BOP1: variants seen among roughly 807,000 people sequenced by gnomAD.
BOP1 encodes ribosome biogenesis protein BOP1.
In BOP1, 54 loss-of-function variants were observed where a neutral mutation model predicts 82.9. The ratio of observed to expected loss-of-function variants is 0.65; its 90% CI spans 0.52 to 0.82. BOP1 has a LOEUF of 0.82. Among genes scored for constraint, BOP1 ranks in the 40% least tolerant of loss-of-function variants. The pLI, the probability that BOP1 is intolerant of heterozygous loss-of-function variation, is 0.00. For missense variants in BOP1, 1,170 were observed against 1,072.0 expected (o/e 1.09, Z -1.28); for synonymous variants, 566 against 451.1 (o/e 1.25, Z -3.23).
intron 3 of BOP1, among the ~76,000 whole-genome samples, chr8:144,273,755 A>G (rs941761326): frequency 6.6e-6 from 1 of 151,462 alleles, no homozygotes; most frequent in Non-Finnish European, 1.5e-5. Flanking sequence ...TGAGGTGGCC[A>G]TGCGGGGGCG....
chr8:144,268,021 A>G, intron 3 of BOP1: 3 of 1,540,150 alleles, frequency 1.9e-6, no homozygotes, highest in Admixed American at 2.0e-5. Context: ...GCCACCTGAG[A>G]TGGCACCCAG....
intron 3 of BOP1, among the ~76,000 whole-genome samples, chr8:144,274,740 G>C (rs778978543): frequency 2.8e-4 from 43 of 152,368 alleles, no homozygotes; most frequent in Non-Finnish European, 2.4e-4. Flanking sequence ...GGCAGGCGGC[G>C]GTGGCACTGG....
chr8:144,262,805 C>G (rs1392405499), intron 13 of BOP1, 48 bp downstream of exon 13: 13 of 302,720 alleles, frequency 4.3e-5, no homozygotes, highest in Non-Finnish European at 7.4e-5. Context: ...GGTACACCGC[C>G]CCCCCCCCCA....
At chr8:144,284,856 C>G (rs190235570) in intron 2 of BOP1, among the ~76,000 whole-genome samples, 28 of 152,332 alleles carry the variant, frequency 1.8e-4, no homozygotes, top group African/African-American at 6.0e-4. Flanking sequence ...GCCTGTGGCC[C>G]GGCCCTGCAG....
intron 2 of BOP1, among the ~76,000 whole-genome samples, chr8:144,286,573 CACGCGGGCAG>C (rs1814878415): frequency 7.0e-6 from 1 of 143,372 alleles, no homozygotes; most frequent in African/African-American, 2.6e-5. Context: ...AAGCACAGGA[CACGCGGGCAG>C]ATGCACGGGC....
intron 3 of BOP1, chr8:144,267,173 G>A: frequency 2.0e-6 from 3 of 1,528,404 alleles, no homozygotes; most frequent in Non-Finnish European, 1.7e-6. Flanking sequence ...AGCAACCAGA[G>A]AAAGTTGGTG....
chr8:144,266,970 G>A (rs1454854713), intron 3 of BOP1: 37 of 1,555,792 alleles, frequency 2.4e-5, no homozygotes, highest in African/African-American at 1.1e-4. Context: ...CGCTGCGCCT[G>A]GCCTCCAGCT....
intron 2 of BOP1, among the ~76,000 whole-genome samples, chr8:144,277,724 T>C (rs1055796448): frequency 8.8e-6 from 1 of 113,932 alleles, no homozygotes; most frequent in African/African-American, 2.7e-5. Context: ...AGCATCCCCG[T>C]GGGACAGCTG....
At chr8:144,270,245 T>C (rs1261711494) in intron 3 of BOP1, among the ~76,000 whole-genome samples, 6 of 151,332 alleles carry the variant, frequency 4.0e-5, no homozygotes, top group Admixed American at 2.6e-4. Flanking sequence ...CAGGAGCAGG[T>C]GGGAAGGTGC....
chr8:144,263,650 C>G, intron 10 of BOP1, 40 bp from the exon 11 acceptor site: 1 of 1,603,484 alleles, frequency 6.2e-7, no homozygotes. Context: ...CTGGCCATCC[C>G]ACCTGCCCCC....
At chr8:144,272,743 AC>A (rs1845510806) in intron 3 of BOP1, among the ~76,000 whole-genome samples, 1 of 151,796 alleles carries the variant, frequency 6.6e-6, no homozygotes, top group African/African-American at 2.4e-5. Context: ...AGCCCAGGGT[AC>A]CCCCATGAGG....
intron 2 of BOP1, among the ~76,000 whole-genome samples, chr8:144,286,084 G>A (rs935891074): frequency 1.3e-5 from 2 of 152,218 alleles, no homozygotes; most frequent in East Asian, 3.9e-4. Context: ...CAAGAGGGGC[G>A]CGGAGGGCAG....
Position 144,272,429 on chromosome 8 carries a change from C to T in BOP1, c.390+3795G>A, listed in dbSNP as rs978667117. ...ACACCCAGACCCAGCTCTCCCCAGC[C>T]GGCCTCCCCAGAGGGCCCAGAGCCT... On this transcript the variant is annotated intron_variant, in intron 3 of 15. Transcript: ENST00000569669. 9.8e-5 allele frequency among the ~76,000 whole-genome samples: 15 copies of T among 152,302 alleles called. No individual in the cohort carries two copies. In the South Asian group the frequency reaches 2.9e-3, roughly 29 times the overall value.
At position 144,268,050 on chromosome 8, in the gene BOP1, G is replaced by A. The variant is rs958633910; in HGVS notation, c.391-2979C>T. 1.2e-4 allele frequency: 183 copies of A among 1,548,924 alleles called. 1 individual carries two copies. The highest frequency in any genetic ancestry group is 2.0e-4 in the Middle Eastern group (1 of 5,044). On this transcript the variant is annotated intron_variant, in intron 3 of 15. Coordinates refer to ENST00000569669, the MANE Select transcript of BOP1 (RefSeq NM_015201.5). The stretch of plus-strand genomic sequence containing the variant: ...CACCCAGCAGGGAGGCCAGAGAGGC[G>A]CAGACTGGCGCTGGGCTCTGCCGGG...
At chr8:144,272,889 C>A (rs1048475711) in intron 3 of BOP1, among the ~76,000 whole-genome samples, 15 of 152,226 alleles carry the variant, frequency 9.9e-5, no homozygotes, top group Non-Finnish European at 1.9e-4. Context: ...GCTACACACA[C>A]CCACCCACAG....
At chr8:144,272,554 A>C (rs992605027) in intron 3 of BOP1, among the ~76,000 whole-genome samples, 14 of 151,962 alleles carry the variant, frequency 9.2e-5, no homozygotes, top group African/African-American at 2.7e-4. Context: ...GCCTCCGCTC[A>C]AGAGCCCTGT....
chr8:144,284,987 G>A (rs913662630), intron 2 of BOP1, among the ~76,000 whole-genome samples: 2 of 152,192 alleles, frequency 1.3e-5, no homozygotes, highest in Non-Finnish European at 2.9e-5. Context: ...CCGCTACAAG[G>A]GCCTCCCACT....
chr8:144,266,445 C>A (rs1297307212), intron 3 of BOP1: 3 of 950,948 alleles, frequency 3.2e-6, no homozygotes, highest in Non-Finnish European at 3.8e-6. Context: ...AGCTCGGGGC[C>A]CCGCTCCGGC....
At chr8:144,276,455 G>T in intron 2 of BOP1, 151 bp from the exon 3 acceptor site, 1 of 877,548 alleles carries the variant, frequency 1.1e-6, no homozygotes, top group Non-Finnish European at 1.8e-6. Flanking sequence ...CCAGCTCTAA[G>T]GGGGCCTCTG....
Sources: gnomAD v4.1 joint callset for allele counts (sites outside exome capture counted in the v4.1 genomes callset) on GRCh38, gnomAD v4.1.1 for gene constraint, MANE v1.5 for transcripts, NCBI Gene and HGNC (gene_info 2026-07-23, HGNC 2026-07-21) for gene names.